DTD1: variants seen among roughly 807,000 people sequenced by gnomAD.
DTD1 encodes D-aminoacyl-tRNA deacylase 1.
Under a neutral mutation model 25.6 loss-of-function variants are expected in DTD1, and 13 were observed. That is an observed-to-expected ratio of 0.51 (90% CI 0.33 to 0.81). The LOEUF is 0.81. Among genes scored for constraint, DTD1 ranks in the 30% least tolerant of loss-of-function variants. DTD1 has a pLI of 0.02. For missense variants in DTD1, 193 were observed against 266.4 expected (o/e 0.72, Z 1.92); for synonymous variants, 110 against 103.6 (o/e 1.06, Z -0.37).
intron 4 of DTD1, among the ~76,000 whole-genome samples, chr20:18,734,848 T>C (rs2061250082): frequency 6.6e-6 from 1 of 152,226 alleles, no homozygotes; most frequent in Non-Finnish European, 1.5e-5. Flanking sequence ...TCTAAAGCTA[T>C]TGAAATGAGT....
At chr20:18,710,042 A>G (rs1399004411) in intron 4 of DTD1, among the ~76,000 whole-genome samples, 1 of 152,134 alleles carries the variant, frequency 6.6e-6, no homozygotes, top group Admixed American at 6.5e-5. Context: ...CACTTCCATT[A>G]TGAATAGGGC....
At chr20:18,745,146 C>T (rs2061295211) in intron 5 of DTD1, among the ~76,000 whole-genome samples, 1 of 152,204 alleles carries the variant, frequency 6.6e-6, no homozygotes. Flanking sequence ...TCTCAGCAGC[C>T]TACTTTCATT....
At chr20:18,640,872 C>T (rs2122335996) in intron 4 of DTD1, among the ~76,000 whole-genome samples, 1 of 152,274 alleles carries the variant, frequency 6.6e-6, no homozygotes, top group East Asian at 1.9e-4. Context: ...CTCAAGTGAT[C>T]TACCCGCTTC....
At chr20:18,662,694 A>G (rs1439641836) in intron 4 of DTD1, among the ~76,000 whole-genome samples, 1 of 152,184 alleles carries the variant, frequency 6.6e-6, no homozygotes, top group Non-Finnish European at 1.5e-5. Context: ...CCTATATCCT[A>G]TGTGTACTGA....
chr20:18,704,321 C>T (rs145049989), intron 4 of DTD1, among the ~76,000 whole-genome samples: 30 of 152,242 alleles, frequency 2.0e-4, no homozygotes, highest in African/African-American at 6.7e-4. Flanking sequence ...GCTTTACAGG[C>T]AGGTCATTTG....
chr20:18,596,315 T>G, intron 3 of DTD1, 74 bp downstream of exon 3: 1 of 1,235,002 alleles, frequency 8.1e-7, no homozygotes, highest in Non-Finnish European at 1.1e-6. Context: ...AAGCTGCAAC[T>G]GCAGCATCTC....
rs140633672 is a variant in DTD1 at position 18,708,502 on chromosome 20, C to T, written c.478-35598C>T. ...TCCCAAGTAGCTGGGATTACAGCCA[C>T]GCACAACCACACCTGGCTAATTTTT... On this transcript the variant is annotated intron_variant, in intron 4 of 5. Transcript: ENST00000377452. Among the ~76,000 whole-genome samples, 1,331 of 148,444 alleles carry T rather than the reference C, an allele frequency of 9.0e-3. 9 individuals are homozygous for T. The highest frequency in any genetic ancestry group is 0.012 in the Non-Finnish European group (836 of 67,446).
chr20:18,713,075 T>A (rs1160086606), intron 4 of DTD1, among the ~76,000 whole-genome samples: 2 of 152,256 alleles, frequency 1.3e-5, no homozygotes, highest in African/African-American at 4.8e-5. Context: ...TGGAGAGCTG[T>A]TCCCGGGGCT....
rs185543960 is a variant in DTD1 at position 18,650,997 on chromosome 20, G to A, written c.477+22764G>A. Among the ~76,000 whole-genome samples the A allele has an allele frequency of 3.3e-5, 5 of 152,326 alleles. No individual in the cohort carries two copies. The South Asian group carries it at 8.3e-4, about 25-fold the overall frequency. On this transcript the variant is annotated intron_variant, in intron 4 of 5. Coordinates refer to ENST00000377452, the MANE Select transcript of DTD1 (RefSeq NM_080820.6). ...AACAGATGGTGCTGGCAGAGCAGGA[G>A]AGAAACCTATTAACAGACTAGATGA...
intron 4 of DTD1, among the ~76,000 whole-genome samples, chr20:18,693,035 C>G (rs751085933): frequency 6.6e-6 from 1 of 151,674 alleles, no homozygotes; most frequent in African/African-American, 2.4e-5. Context: ...GGATTACAGG[C>G]GCGTGTCACC....
intron 4 of DTD1, among the ~76,000 whole-genome samples, chr20:18,717,199 GGGA>G (rs1358396752): frequency 6.6e-6 from 1 of 152,188 alleles, no homozygotes; most frequent in Non-Finnish European, 1.5e-5. Context: ...GACTGCTCAC[GGGA>G]GATAATTAGC....
chr20:18,632,578 T>TTTA (rs2060792751), intron 4 of DTD1: 1 of 985,290 alleles, frequency 1.0e-6, no homozygotes, highest in African/African-American at 1.7e-5. Context: ...AACACGTGTT[T>TTTA]CTATCAATTA....
chr20:18,650,730 G>GTGTAAGGT (rs1367641631), intron 4 of DTD1, among the ~76,000 whole-genome samples: 1 of 152,196 alleles, frequency 6.6e-6, no homozygotes, highest in Non-Finnish European at 1.5e-5. Context: ...GCTATTTGCT[G>GTGTAAGGT]TGTAAGGTTG....
chr20:18,593,945 AT>A (rs2122241319), intron 2 of DTD1, 124 bp downstream of exon 2: 1 of 731,540 alleles, frequency 1.4e-6, no homozygotes, highest in South Asian at 1.5e-5. Context: ...GTCCCATTGG[AT>A]GTAGTATGGT....
chr20:18,702,719 A>G (rs6035105), intron 4 of DTD1, among the ~76,000 whole-genome samples: 73,606 of 142,946 alleles, frequency 0.51, 18,782 homozygotes, highest in Middle Eastern at 0.57. Context: ...GTTCTGTTGG[A>G]GTAGAAATCA....
intron 1 of DTD1, 66 bp downstream of exon 1, chr20:18,588,181 G>C: frequency 8.3e-7 from 1 of 1,202,042 alleles, no homozygotes; most frequent in Non-Finnish European, 1.0e-6. Flanking sequence ...TGTCTTGCGT[G>C]GGGGGTCTTC....
At chr20:18,732,438 C>T (rs115262370) in intron 4 of DTD1, among the ~76,000 whole-genome samples, 2,083 of 152,280 alleles carry the variant, frequency 0.014, 33 homozygotes, top group African/African-American at 0.02. Context: ...ATTACTTTTG[C>T]CTTCTAATAG....
rs151122272 is a variant in DTD1, at chr20:18,743,689, A to AAGAAAAG, written c.478-410_478-409insGAAAAGA. On this transcript the variant is annotated intron_variant, in intron 4 of 5. Coordinates refer to ENST00000377452, the MANE Select transcript of DTD1 (RefSeq NM_080820.6). ...ACCCTGTCTCAAAAAAAAAAAAAAA[A>AAGAAAAG]AAAAGAAAAGAAAAGAAAAAAGAAA... Among the ~76,000 whole-genome samples, 8 of 121,072 alleles carry AAGAAAAG rather than the reference A, an allele frequency of 6.6e-5. 1 individual carries two copies. The highest frequency in any genetic ancestry group is 2.9e-4 in the South Asian group (1 of 3,502). 79.4% of individuals were successfully genotyped at this position (121,072 alleles called of 152,430 possible).
intron 3 of DTD1, among the ~76,000 whole-genome samples, chr20:18,612,033 G>GTT (rs57848248): frequency 0.029 from 2,767 of 96,636 alleles, 114 homozygotes; most frequent in African/African-American, 0.038. Flanking sequence ...TAATTTTTGT[G>GTT]TTTTTTTTTT....
Sources: gnomAD v4.1 joint callset for allele counts (sites outside exome capture counted in the v4.1 genomes callset) on GRCh38, gnomAD v4.1.1 for gene constraint, MANE v1.5 for transcripts, NCBI Gene and HGNC (gene_info 2026-07-23, HGNC 2026-07-21) for gene names.